Variants in PLCB4 observed in about 807,000 individuals in gnomAD.
PLCB4 encodes the protein phospholipase C beta 4, also known as 1-phosphatidylinositol 4,5-bisphosphate phosphodiesterase beta-4.
Under a neutral mutation model 178.8 loss-of-function variants are expected in PLCB4, and 77 were observed. The observed-to-expected ratio is 0.43, with a 90% CI of 0.36 to 0.52. The LOEUF (loss-of-function observed/expected upper bound fraction) is 0.52, where lower values mean the gene tolerates loss of function less well. Among genes scored for constraint, PLCB4 ranks in the 20% least tolerant of loss-of-function variants. The probability of loss-of-function intolerance (pLI) is 0.00; values close to 1 mark genes in which losing one functional copy is unlikely to be tolerated. For synonymous variants in PLCB4, 496 were observed against 490.8 expected (o/e 1.01, Z -0.14); for missense variants, 1,024 against 1,453.4 (o/e 0.70, Z 4.80).
At chr20:9,476,863 AGGGTTTGG>A (rs2044583051) in intron 39 of PLCB4, 110 bp downstream of exon 39, 1 of 728,850 alleles carries the variant, frequency 1.4e-6, no homozygotes, top group Non-Finnish European at 2.4e-6. Context: ...TAATATCTGA[AGGGTTTGG>A]ATTTAAAAGC....
At chr20:9,469,677 A>G (rs190948866) in intron 36 of PLCB4, among the ~76,000 whole-genome samples, 96 of 152,330 alleles carry the variant, frequency 6.3e-4, no homozygotes, top group African/African-American at 2.2e-3. Flanking sequence ...CTTTGAAGCA[A>G]GAGTACCTGG....
chr20:9,130,263 C>G (rs548127562), intron 2 of PLCB4, among the ~76,000 whole-genome samples: 2 of 152,228 alleles, frequency 1.3e-5, no homozygotes, highest in South Asian at 4.1e-4. Flanking sequence ...TTTAAGGCAG[C>G]TACTGCAGAA....
intron 6 of PLCB4, 79 bp downstream of exon 6, chr20:9,338,146 A>T: frequency 1.1e-6 from 1 of 937,972 alleles, no homozygotes; most frequent in Non-Finnish European, 1.7e-6. Context: ...GAGATAAAAA[A>T]CTCACTCTTT....
chr20:9,113,935 C>T (rs1210733970), intron 2 of PLCB4, among the ~76,000 whole-genome samples: 1 of 152,116 alleles, frequency 6.6e-6, no homozygotes, highest in African/African-American at 2.4e-5. Flanking sequence ...GATGTCTGGC[C>T]AGGCGCAGTG....
At chr20:9,261,144 T>A (rs1253614711) in intron 3 of PLCB4, among the ~76,000 whole-genome samples, 1 of 152,078 alleles carries the variant, frequency 6.6e-6, no homozygotes, top group East Asian at 1.9e-4. Flanking sequence ...TGTGAGCAGA[T>A]CACATTAATG....
intron 14 of PLCB4, among the ~76,000 whole-genome samples, chr20:9,384,666 C>CA (rs1244712075): frequency 6.6e-6 from 1 of 151,858 alleles, no homozygotes; most frequent in Non-Finnish European, 1.5e-5. Context: ...TCCAAAACCA[C>CA]AAAAAAGAAA....
At position 9,475,386 on chromosome 20, in the gene PLCB4, A is replaced by G. The variant is rs137965697; in HGVS notation, c.3496-1331A>G. On this transcript the variant is annotated intron_variant, in intron 38 of 39. Coordinates refer to ENST00000378473, the MANE Select transcript of PLCB4 (RefSeq NM_001377142.1). ...ACATGGCTAATTCAAGCCACACCAG[A>G]GTTCTTGCATTAAACTGCTAGATTA... Among the ~76,000 whole-genome samples the G allele has an allele frequency of 6.3e-3, 957 of 152,286 alleles. 4 individuals are homozygous for G. Among genetic ancestry groups the G allele is most frequent in the Middle Eastern group, 0.017 (5 of 294 alleles).
At chr20:9,282,895 C>A (rs2094506287) in intron 3 of PLCB4, among the ~76,000 whole-genome samples, 1 of 152,084 alleles carries the variant, frequency 6.6e-6, no homozygotes, top group East Asian at 1.9e-4. Flanking sequence ...ACCTTTTAAA[C>A]ATGATAATCT....
intron 33 of PLCB4, among the ~76,000 whole-genome samples, chr20:9,454,788 C>A (rs2042962027): frequency 6.6e-6 from 1 of 152,116 alleles, no homozygotes; most frequent in African/African-American, 2.4e-5. Flanking sequence ...TGGTATCAGG[C>A]CTCACTATTT....
At chr20:9,133,020 G>C (rs987603937) in intron 2 of PLCB4, among the ~76,000 whole-genome samples, 2 of 152,122 alleles carry the variant, frequency 1.3e-5, no homozygotes, top group Non-Finnish European at 2.9e-5. Context: ...TGTCAGTAGT[G>C]CCTCTGTTGA....
intron 3 of PLCB4, among the ~76,000 whole-genome samples, chr20:9,255,936 A>G (rs897666092): frequency 6.6e-6 from 1 of 152,100 alleles, no homozygotes; most frequent in African/African-American, 2.4e-5. Flanking sequence ...CATAACATAT[A>G]TATATATATA....
rs747539264 is a variant in PLCB4 at position 9,141,314 on chromosome 20, C to T, written c.-79+44972C>T. Among the ~76,000 whole-genome samples, 68 of 152,148 alleles carry T rather than the reference C, an allele frequency of 4.5e-4. 1 individual carries two copies. Among genetic ancestry groups the T allele is most frequent in the African/African-American group, 1.5e-3 (61 of 41,458 alleles). ...GGTTAGATTACAGCTTGGGATATGA[C>T]GGATGCACCTCTGAGCATAATCTCC... On this transcript the variant is annotated intron_variant, in intron 2 of 39. Transcript: ENST00000378473.
intron 15 of PLCB4, among the ~76,000 whole-genome samples, chr20:9,388,726 T>TA (rs1555824511): frequency 6.6e-6 from 1 of 151,976 alleles, no homozygotes; most frequent in African/African-American, 2.4e-5. Context: ...AAAACACACA[T>TA]ACACACACAC....
chr20:9,411,717 G>C (rs1026693725), intron 25 of PLCB4, among the ~76,000 whole-genome samples: 1 of 130,918 alleles, frequency 7.6e-6, no homozygotes, highest in African/African-American at 4.3e-5. Flanking sequence ...GAATTCTCTT[G>C]AGATAAAAAA....
chr20:9,387,447 T>C lies in PLCB4; in HGVS notation c.1065-16T>C. 1 of 1,317,898 alleles carries C rather than the reference T, an allele frequency of 7.6e-7. No individual in the cohort carries two copies. The highest frequency in any genetic ancestry group is 1.1e-6 in the Non-Finnish European group (1 of 928,868). 81.6% of individuals were successfully genotyped at this position (1,317,898 alleles called of 1,614,324 possible). ...CATTGTAAAGTTTCAATATTGTAAC[T>C]TCACTATATCCCTAGATGTGTTGAA... On this transcript the variant is annotated splice_polypyrimidine_tract_variant and intron_variant, in intron 14 of 39. Coordinates refer to ENST00000378473, the MANE Select transcript of PLCB4 (RefSeq NM_001377142.1).
At chr20:9,252,914 G>C (rs1261881047) in intron 3 of PLCB4, among the ~76,000 whole-genome samples, 1 of 152,140 alleles carries the variant, frequency 6.6e-6, no homozygotes, top group African/African-American at 2.4e-5. Context: ...TTCTGGTTTA[G>C]ACAGGAGTGA....
chr20:9,400,368 G>A (rs6056596), intron 19 of PLCB4, among the ~76,000 whole-genome samples: 69,871 of 152,010 alleles, frequency 0.46, 19,055 homozygotes, highest in African/African-American at 0.78. Flanking sequence ...AGAACACACT[G>A]CAATATCAGA....
At chr20:9,284,794 C>T (rs1038073954) in intron 3 of PLCB4, among the ~76,000 whole-genome samples, 1 of 151,838 alleles carries the variant, frequency 6.6e-6, no homozygotes, top group Non-Finnish European at 1.5e-5. Flanking sequence ...CAGATATAAT[C>T]GTTTAAAAAA....
At chr20:9,240,617 C>T (rs940655189) in intron 3 of PLCB4, among the ~76,000 whole-genome samples, 1 of 152,148 alleles carries the variant, frequency 6.6e-6, no homozygotes, top group African/African-American at 2.4e-5. Context: ...AAGCCATGCC[C>T]ACTTCAGTTC....
Sources: gnomAD v4.1 joint callset for allele counts (sites outside exome capture counted in the v4.1 genomes callset) on GRCh38, gnomAD v4.1.1 for gene constraint, MANE v1.5 for transcripts, NCBI Gene and HGNC (gene_info 2026-07-23, HGNC 2026-07-21) for gene names.